The following QTGAL variants were observed in gnomAD, a reference collection of about 807,000 sequenced individuals.
The protein encoded by QTGAL is BGnT-like protein 1.
At chr17:83,028,354 C>A in the QTGAL span, among the ~76,000 whole-genome samples, 3 of 150,846 alleles carry the variant, frequency 2.0e-5, no homozygotes, top group Non-Finnish European at 4.4e-5. Context: ...GAAACCCCGT[C>A]TCTACTAAAA....
chr17:83,027,091 C>T, the QTGAL span, among the ~76,000 whole-genome samples: 1 of 147,898 alleles, frequency 6.8e-6, no homozygotes, highest in Admixed American at 6.7e-5. Context: ...CCACCCTCGA[C>T]AGACACACAG....
the QTGAL span, chr17:83,034,914 T>G: frequency 6.3e-6 from 5 of 793,438 alleles, no homozygotes; most frequent in Non-Finnish European, 8.2e-6. Context: ...GACTAACACA[T>G]TATTAGTCTA....
chr17:82,956,826 A>T, the QTGAL span: 18 of 1,538,564 alleles, frequency 1.2e-5, no homozygotes, highest in Non-Finnish European at 1.5e-5. The surrounding 1 kb of genome is among the most constrained non-coding windows in gnomAD (Gnocchi z 5.7). Flanking sequence ...CCCCGGAGAG[A>T]CGCCCTCAGG....
the QTGAL span, among the ~76,000 whole-genome samples, chr17:82,983,563 C>T: frequency 1.3e-5 from 2 of 152,200 alleles, no homozygotes; most frequent in African/African-American, 4.8e-5. Flanking sequence ...TCATTTTTCT[C>T]ACTTCTCATT....
the QTGAL span, among the ~76,000 whole-genome samples, chr17:83,018,307 C>T: frequency 1.3e-5 from 2 of 152,192 alleles, no homozygotes; most frequent in African/African-American, 4.8e-5. Flanking sequence ...CATCAGGTAC[C>T]ACACATGCTC....
the QTGAL span, among the ~76,000 whole-genome samples, chr17:82,970,608 C>CACCCAGTGTGGACAT: frequency 6.4e-3 from 190 of 29,762 alleles, 32 homozygotes; most frequent in South Asian, 0.048. Context: ...GGCGTGGCCG[C>CACCCAGTGTGGACAT]GACCTCCCCA....
the QTGAL span, among the ~76,000 whole-genome samples, chr17:83,027,852 G>A: frequency 2.6e-4 from 39 of 151,770 alleles, no homozygotes; most frequent in Middle Eastern, 3.4e-3. Flanking sequence ...GGTGGCTCAC[G>A]CCTGTAATCC....
the QTGAL span, among the ~76,000 whole-genome samples, chr17:83,013,812 T>A: frequency 6.6e-6 from 1 of 152,170 alleles, no homozygotes; most frequent in Non-Finnish European, 1.5e-5. Flanking sequence ...AAAACCCAAG[T>A]GATCACCGCT....
the QTGAL span, among the ~76,000 whole-genome samples, chr17:83,005,418 G>A: frequency 3.9e-5 from 6 of 152,132 alleles, no homozygotes; most frequent in Non-Finnish European, 5.9e-5. The surrounding 1 kb of genome is among the most constrained non-coding windows in gnomAD (Gnocchi z 5.6). Flanking sequence ...GCATAGCAAC[G>A]ATGGGCACGA....
chr17:82,995,972 A>G, the QTGAL span, among the ~76,000 whole-genome samples: 1 of 152,332 alleles, frequency 6.6e-6, no homozygotes, highest in African/African-American at 2.4e-5. Flanking sequence ...GAAATTAAAG[A>G]AGAGTAATCT....
chr17:82,958,417 A>G, the QTGAL span, among the ~76,000 whole-genome samples: 10,366 of 152,266 alleles, frequency 0.068, 350 homozygotes, highest in South Asian at 0.11. Flanking sequence ...TGGGCCAGAC[A>G]CAACCAACAC....
chr17:83,035,057 G>A, the QTGAL span: 2 of 1,612,132 alleles, frequency 1.2e-6, no homozygotes, highest in Non-Finnish European at 1.7e-6. Context: ...GCAAAGGTAA[G>A]ACCCTGAGCT....
chr17:83,006,687 G>A, the QTGAL span: 6 of 985,536 alleles, frequency 6.1e-6, no homozygotes, highest in Non-Finnish European at 7.2e-6. The surrounding 1 kb of genome is among the most constrained non-coding windows in gnomAD (Gnocchi z 5.8). Flanking sequence ...GGAACGTGCA[G>A]GAGGCGGCCT....
the QTGAL span, among the ~76,000 whole-genome samples, chr17:82,953,984 T>C: frequency 6.6e-6 from 1 of 152,224 alleles, no homozygotes; most frequent in South Asian, 2.1e-4. Flanking sequence ...CACTAGGTAT[T>C]GATGGAACGT....
the QTGAL span, among the ~76,000 whole-genome samples, chr17:83,000,694 C>T: frequency 0.012 from 1,842 of 152,236 alleles, 43 homozygotes; most frequent in African/African-American, 0.042. Context: ...GAAAGCTTTT[C>T]CAAATTGTTA....
chr17:82,995,629 CA>C, the QTGAL span, among the ~76,000 whole-genome samples: 1 of 152,112 alleles, frequency 6.6e-6, no homozygotes, highest in African/African-American at 2.4e-5. Context: ...ATGATCCACC[CA>C]CCTCGCCCTC....
chr17:82,989,667 AC>A, the QTGAL span, among the ~76,000 whole-genome samples: 6 of 152,236 alleles, frequency 3.9e-5, no homozygotes, highest in Non-Finnish European at 7.3e-5. Context: ...TACAAAGTCA[AC>A]ATTGTTGATA....
the QTGAL span, among the ~76,000 whole-genome samples, chr17:82,959,865 G>T: frequency 2.0e-5 from 3 of 152,034 alleles, no homozygotes; most frequent in Admixed American, 6.5e-5. Flanking sequence ...TCTGTATTTG[G>T]TTCATCTTCA....
At chr17:82,954,895 T>G in the QTGAL span, among the ~76,000 whole-genome samples, 1 of 152,186 alleles carries the variant, frequency 6.6e-6, no homozygotes. Flanking sequence ...GATTCCCTAT[T>G]TAGTAAATGG....
Sources: gnomAD v4.1 joint callset for allele counts (sites outside exome capture counted in the v4.1 genomes callset) on GRCh38, gnomAD v4.1.1 for gene constraint, Gnocchi (gnomAD v3.1) non-coding constraint, MANE v1.5 for transcripts, NCBI Gene and HGNC (gene_info 2026-07-23, HGNC 2026-07-21) for gene names.